The following MSRA variants were observed in gnomAD, a reference collection of about 807,000 sequenced individuals.
MSRA encodes mitochondrial peptide methionine sulfoxide reductase.
MSRA carries 54 observed loss-of-function variants against 31.3 expected under a neutral mutation model. The observed-to-expected ratio is 1.73, with a 90% confidence interval of 1.39 to 2.17. The LOEUF is 2.17. Among genes scored for constraint, MSRA ranks in the 30% most tolerant of loss-of-function variants. The pLI, the probability that MSRA is intolerant of heterozygous loss-of-function variation, is 0.00. For missense variants in MSRA, 507 were observed against 300.9 expected, an observed-to-expected ratio of 1.69 and a Z score of -5.07; for synonymous variants, 169 against 116.5, an observed-to-expected ratio of 1.45 and a Z score of -2.90.
intron 5 of MSRA, among the ~76,000 whole-genome samples, chr8:10,422,054 G>A (rs186251919): frequency 1.5e-3 from 229 of 152,316 alleles, no homozygotes; most frequent in African/African-American, 5.2e-3. Context: ...GCCAAGATGC[G>A]AGGATCGTTT....
At chr8:10,256,690 C>G (rs558932883) in intron 3 of MSRA, among the ~76,000 whole-genome samples, 2 of 152,358 alleles carry the variant, frequency 1.3e-5, no homozygotes, top group South Asian at 4.1e-4. Flanking sequence ...GTACTTTTCT[C>G]TCTCCAGAGT....
intron 5 of MSRA, among the ~76,000 whole-genome samples, chr8:10,421,045 C>T (rs1024356944): frequency 2.6e-5 from 4 of 152,122 alleles, no homozygotes; most frequent in African/African-American, 4.8e-5. Context: ...GTGAAATAAA[C>T]GTCACGTGTT....
At chr8:10,298,725 G>T (rs1244240219) in intron 3 of MSRA, among the ~76,000 whole-genome samples, 2 of 152,162 alleles carry the variant, frequency 1.3e-5, no homozygotes, top group African/African-American at 2.4e-5. Flanking sequence ...CCATGTGTGG[G>T]ATAGTAAAAT....
At chr8:10,064,371 T>A (rs1472760027) in intron 1 of MSRA, among the ~76,000 whole-genome samples, 1 of 151,926 alleles carries the variant, frequency 6.6e-6, no homozygotes, top group East Asian at 1.9e-4. Flanking sequence ...TTTTTTTTTT[T>A]AAAGGCATGG....
intron 4 of MSRA, among the ~76,000 whole-genome samples, chr8:10,308,069 G>A (rs1451208759): frequency 6.6e-6 from 1 of 152,210 alleles, no homozygotes; most frequent in Non-Finnish European, 1.5e-5. Context: ...CAGGGATGGA[G>A]CCTGACCCTT....
At position 10,428,194 on chromosome 8, in the gene MSRA, A is replaced by AG. The variant is rs1809308927; in HGVS notation, c.593dup (p.Gln199ThrfsTer36). 1 of 1,614,004 alleles carries AG rather than the reference A, an allele frequency of 6.2e-7. No individual in the cohort carries two copies. Among genetic ancestry groups the AG allele is most frequent in the African/African-American group, 1.3e-5 (1 of 74,918 alleles). ...GGCCCCATCACTACCGACATCCGGG[A>AG]GGGACAGACTTTCTACTATGCGGAA... On this transcript the variant is annotated frameshift_variant, in exon 6 of 6. Transcript: ENST00000317173. LOFTEE classifies it high-confidence loss of function.
chr8:10,301,852 A>G (rs1395349834), intron 4 of MSRA, among the ~76,000 whole-genome samples: 1 of 152,128 alleles, frequency 6.6e-6, no homozygotes, highest in Non-Finnish European at 1.5e-5. Context: ...CCCCCCTTAC[A>G]GCTGTCAGGG....
intron 1 of MSRA, among the ~76,000 whole-genome samples, chr8:10,071,458 C>CTTT (rs77512999): frequency 8.5e-5 from 11 of 129,260 alleles, no homozygotes; most frequent in Non-Finnish European, 1.1e-4. Context: ...TTTTAATTTT[C>CTTT]TTTTTTTTTT....
chr8:10,212,154 T>G (rs1257194354), intron 2 of MSRA, among the ~76,000 whole-genome samples: 2 of 151,642 alleles, frequency 1.3e-5, no homozygotes, highest in African/African-American at 4.9e-5. Flanking sequence ...GCCACTGCAC[T>G]CCAGCCTAGG....
chr8:10,361,342 C>T (rs963329925), intron 5 of MSRA, among the ~76,000 whole-genome samples: 3 of 152,166 alleles, frequency 2.0e-5, no homozygotes, highest in African/African-American at 4.8e-5. Flanking sequence ...GGTCTGTCTC[C>T]GAAGTTTATT....
At chr8:10,368,688 G>A (rs1805305716) in intron 5 of MSRA, among the ~76,000 whole-genome samples, 1 of 152,234 alleles carries the variant, frequency 6.6e-6, no homozygotes, top group Admixed American at 6.5e-5. Flanking sequence ...AAACAAAGCA[G>A]TTGTAAAACA....
Position 10,232,974 on chromosome 8 carries a change from C to T in MSRA, c.212-12130C>T, listed in dbSNP as rs562640575. 9.2e-5 allele frequency among the ~76,000 whole-genome samples: 14 copies of T among 152,194 alleles called. No homozygotes were observed. In the East Asian group the frequency reaches 9.6e-4, roughly 10 times the overall value. On this transcript the variant is annotated intron_variant, in intron 2 of 5. Coordinates refer to ENST00000317173, the MANE Select transcript of MSRA (RefSeq NM_012331.5). ...CCTTCAATTTAAAACTTTATTTCTA[C>T]GGAATGTAGATGTCCTTCAGAAGTT...
intron 1 of MSRA, among the ~76,000 whole-genome samples, chr8:10,191,438 G>A (rs1244127850): frequency 6.6e-6 from 1 of 152,154 alleles, no homozygotes; most frequent in Non-Finnish European, 1.5e-5. Context: ...ATGAGGCAGA[G>A]GTATAACTTC....
intron 3 of MSRA, among the ~76,000 whole-genome samples, chr8:10,251,861 T>TG (rs386412047): frequency 0.23 from 31,877 of 137,708 alleles, 4,169 homozygotes; most frequent in Non-Finnish European, 0.31. Context: ...GTTGACATGG[T>TG]GGGGGGGGGG....
intron 5 of MSRA, among the ~76,000 whole-genome samples, chr8:10,325,490 G>C (rs1388007427): frequency 6.6e-6 from 1 of 152,056 alleles, no homozygotes; most frequent in Non-Finnish European, 1.5e-5. Context: ...TATTTGTTTA[G>C]CTGTAGATGT....
intron 5 of MSRA, among the ~76,000 whole-genome samples, chr8:10,330,280 C>T (rs578076446): frequency 6.6e-6 from 1 of 152,144 alleles, no homozygotes; most frequent in Non-Finnish European, 1.5e-5. Context: ...TGAGCCCCTT[C>T]AGTTTTATGA....
intron 1 of MSRA, chr8:10,096,210 G>A: frequency 8.0e-7 from 1 of 1,247,224 alleles, no homozygotes; most frequent in South Asian, 3.3e-5. Context: ...TTTTATTTCT[G>A]CTGCTTCATG....
intron 1 of MSRA, among the ~76,000 whole-genome samples, chr8:10,193,050 C>G (rs1807650837): frequency 6.6e-6 from 1 of 152,178 alleles, no homozygotes; most frequent in Non-Finnish European, 1.5e-5. Context: ...ATAGAGATTA[C>G]TATAATTTAG....
intron 3 of MSRA, among the ~76,000 whole-genome samples, chr8:10,279,075 T>A (rs1404643979): frequency 6.6e-6 from 1 of 152,218 alleles, no homozygotes; most frequent in Non-Finnish European, 1.5e-5. Flanking sequence ...TGCAGTTGTT[T>A]TCTTGTTGTT....
Sources: allele counts gnomAD v4.1 joint callset (sites outside exome capture counted in the v4.1 genomes callset), GRCh38; gene constraint gnomAD v4.1.1; transcripts MANE v1.5; gene names NCBI Gene and HGNC (gene_info 2026-07-23, HGNC 2026-07-21).